The following EFHC2 variants were observed in gnomAD, a reference collection of about 807,000 sequenced individuals.
EFHC2 encodes the protein EF-hand domain containing 2.
Under a neutral mutation model 52.7 loss-of-function variants are expected in EFHC2, and 18 were observed. The observed-to-expected ratio is 0.34, with a 90% CI of 0.24 to 0.51. The LOEUF (loss-of-function observed/expected upper bound fraction) is 0.51, where lower values mean the gene tolerates loss of function less well. Ranked by LOEUF, EFHC2 falls within the 20% of genes least tolerant of loss-of-function variation. The pLI is 0.97. For synonymous variants in EFHC2, 203 were observed against 204.1 expected (o/e 0.99, Z 0.04); for missense variants, 513 against 562.5 (o/e 0.91, Z 0.89).
At chrX:44,236,612 G>GA (rs2037322246) in intron 8 of EFHC2, among the ~76,000 whole-genome samples, 1 of 112,354 alleles carries the variant, frequency 8.9e-6, no homozygotes, top group East Asian at 2.8e-4. Flanking sequence ...AATCCGGGCT[G>GA]AAAAAGGATA....
chrX:44,219,139 T>A (rs2037173903), intron 11 of EFHC2, among the ~76,000 whole-genome samples: 1 of 78,937 alleles, frequency 1.3e-5, no homozygotes, highest in Non-Finnish European at 2.4e-5. Flanking sequence ...AAAAACCACC[T>A]ATAGTTAAAA....
chrX:44,206,443 T>A (rs1272498114), intron 11 of EFHC2, among the ~76,000 whole-genome samples: 1 of 111,795 alleles, frequency 8.9e-6, no homozygotes, highest in Admixed American at 9.5e-5. Context: ...AATAATGTGA[T>A]TCTACACCTA....
At chrX:44,163,417 G>T (rs2036672094) in intron 14 of EFHC2, among the ~76,000 whole-genome samples, 1 of 111,217 alleles carries the variant, frequency 9.0e-6, no homozygotes. Context: ...TGTGAACTTT[G>T]TTTTCCCTAA....
chrX:44,309,017 A>C (rs1471606944), intron 2 of EFHC2, among the ~76,000 whole-genome samples: 3 of 113,001 alleles, frequency 2.7e-5, no homozygotes, highest in African/African-American at 9.6e-5. Context: ...TGTGCTGGTT[A>C]AATGACTGTT....
In EFHC2 at chrX:44,187,135, G is replaced by GTGTATATATATATATATATATATATATA. The variant is rs1556001678; in HGVS notation, c.1752-8572_1752-8571insTATATATATATATATATATATATATACA. On this transcript the variant is annotated intron_variant, in intron 11 of 14. Coordinates refer to ENST00000420999, the MANE Select transcript of EFHC2 (RefSeq NM_025184.4). Reference sequence around the variant, plus strand: ...CCATGTCTCAAAGGAAAACAAAATGGTATATATATATATATATGGGCTTTA... The same window carrying GTGTATATATATATATATATATATATATA: ...CCATGTCTCAAAGGAAAACAAAATGGTGTATATATATATATATATATATATATATATATATATATATATATGGGCTTTA... Among the ~76,000 whole-genome samples, 22 of 61,751 alleles carry GTGTATATATATATATATATATATATATA rather than the reference G, an allele frequency of 3.6e-4. 1 individual carries two copies. The highest frequency in any genetic ancestry group is 1.8e-3 in the African/African-American group (22 of 12,156). 53.6% of individuals were successfully genotyped at this position (61,751 alleles called of 115,157 possible). A position where few individuals can be genotyped will look rare whatever the true frequency, so the allele number is the denominator to read the frequency against.
Position 44,272,735 on chromosome X carries a change from G to A in EFHC2, c.333C>T (p.Asp111=), listed in dbSNP as rs1183204738. 8.6e-7 allele frequency: 1 copy of A among 1,169,538 alleles called. No homozygotes were observed. Among genetic ancestry groups the A allele is most frequent in the East Asian group, 3.2e-5 (1 of 31,611 alleles). Reference sequence around the variant, plus strand: ...CCTCTGGTTCATTTACTTGAATTGTGTCATCTTCAGGGTAGAAGTAGATTT... The same window carrying A: ...CCTCTGGTTCATTTACTTGAATTGTATCATCTTCAGGGTAGAAGTAGATTT... The part of the protein sequence containing the change: ...YYKIYFYPED[D]TIQVNEPEVK... Residue 111 remains aspartate, a synonymous_variant, in exon 3 of 15, where the codon GAC becomes GAT. Transcript: ENST00000420999.
intron 2 of EFHC2, among the ~76,000 whole-genome samples, chrX:44,311,246 C>A (rs2037945799): frequency 9.0e-6 from 1 of 111,281 alleles, no homozygotes; most frequent in Non-Finnish European, 1.9e-5. Context: ...AAGGAAGCCT[C>A]CCTGTGGTCT....
chrX:44,250,171 A>G, intron 5 of EFHC2, 23 bp downstream of exon 5: 2 of 1,196,347 alleles, frequency 1.7e-6, no homozygotes, highest in East Asian at 3.0e-5. Flanking sequence ...AGCAAATTCA[A>G]AGTGGTTATA....
chrX:44,184,935 A>T (rs1194381822), intron 11 of EFHC2, among the ~76,000 whole-genome samples: 1 of 111,127 alleles, frequency 9.0e-6, no homozygotes, highest in Non-Finnish European at 1.9e-5. Context: ...TTCATTGTTG[A>T]ATCTGTGACA....
At chrX:44,159,869 T>C (rs970576401) in intron 14 of EFHC2, among the ~76,000 whole-genome samples, 1 of 112,687 alleles carries the variant, frequency 8.9e-6, no homozygotes, top group African/African-American at 3.2e-5. Context: ...ACATCTCAAT[T>C]TTACAGAAAA....
intron 14 of EFHC2, among the ~76,000 whole-genome samples, chrX:44,155,364 C>T (rs1412583709): frequency 8.9e-6 from 1 of 112,047 alleles, no homozygotes; most frequent in South Asian, 3.7e-4. Context: ...GGATGAAAAC[C>T]CAGTAAACAG....
chrX:44,251,238 CAAAAAAAAAAAAAAA>C (rs746850685), intron 4 of EFHC2, among the ~76,000 whole-genome samples: 3 of 18,311 alleles, frequency 1.6e-4, no homozygotes, highest in Admixed American at 1.1e-3. Context: ...GACTCCATCT[CAAAAAAAAAAAAAAA>C]AAAAAAAAAA....
At chrX:44,241,472 A>G (rs1017005486) in intron 8 of EFHC2, among the ~76,000 whole-genome samples, 2 of 112,144 alleles carry the variant, frequency 1.8e-5, no homozygotes, top group Non-Finnish European at 3.8e-5. Flanking sequence ...AACACGTATA[A>G]ATCCTTGAAA....
Position 44,312,763 on chromosome X carries a change from A to G in EFHC2, c.43-7T>C. 8.5e-7 allele frequency: 1 copy of G among 1,177,209 alleles called. No individual in the cohort carries two copies. Among genetic ancestry groups the G allele is most frequent in the Non-Finnish European group, 1.1e-6 (1 of 880,883 alleles). ...GAAACTTCTCCTTTCCCACCTGTGA[A>G]CATAAGAGACAACATAAAATAGCCA... On this transcript the variant is annotated splice_polypyrimidine_tract_variant and splice_region_variant and intron_variant, in intron 1 of 14. Transcript: ENST00000420999.
chrX:44,335,493 A>T (rs2038111358), intron 1 of EFHC2, among the ~76,000 whole-genome samples: 1 of 111,929 alleles, frequency 8.9e-6, no homozygotes. Flanking sequence ...ACTAAAACCC[A>T]GTAATTTGAC....
chrX:44,288,247 A>G (rs2037767288), intron 2 of EFHC2, among the ~76,000 whole-genome samples: 1 of 111,400 alleles, frequency 9.0e-6, no homozygotes, highest in African/African-American at 3.3e-5. Context: ...GACAGCATTC[A>G]TATAGACAAA....
intron 1 of EFHC2, among the ~76,000 whole-genome samples, chrX:44,322,267 G>A (rs1341233452): frequency 8.9e-6 from 1 of 111,861 alleles, no homozygotes; most frequent in African/African-American, 3.3e-5. Context: ...ATAGTTTCCT[G>A]TTTATATACT....
At chrX:44,202,434 C>T (rs890169524) in intron 11 of EFHC2, among the ~76,000 whole-genome samples, 10 of 111,369 alleles carry the variant, frequency 9.0e-5, no homozygotes, top group Non-Finnish European at 1.1e-4. Context: ...AACAAACAAA[C>T]GAAAACAATA....
At chrX:44,273,734 G>A (rs1383167719) in intron 2 of EFHC2, among the ~76,000 whole-genome samples, 1 of 111,992 alleles carries the variant, frequency 8.9e-6, no homozygotes, top group African/African-American at 3.2e-5. Context: ...TGTGGGAAAA[G>A]TAGATTCAGG....
Sources: gnomAD v4.1 joint callset for allele counts (sites outside exome capture counted in the v4.1 genomes callset) on GRCh38, gnomAD v4.1.1 for gene constraint, MANE v1.5 for transcripts, NCBI Gene and HGNC (gene_info 2026-07-23, HGNC 2026-07-21) for gene names.